DMRT1: variants seen among roughly 807,000 people sequenced by gnomAD.
DMRT1 encodes the protein doublesex- and mab-3-related transcription factor 1.
A neutral mutation model predicts 32.3 loss-of-function variants in DMRT1; 7 were observed. The observed-to-expected ratio is 0.22, with a 90% CI of 0.12 to 0.41. DMRT1 has a LOEUF of 0.41. DMRT1 is among the 10% of genes least tolerant of loss of function. DMRT1 has a pLI of 1.00. For synonymous variants in DMRT1, 278 were observed against 206.1 expected (o/e 1.35, Z -2.99); for missense variants, 625 against 500.5 (o/e 1.25, Z -2.37).
intron 4 of DMRT1, among the ~76,000 whole-genome samples, chr9:941,166 C>T (rs1819053418): frequency 6.6e-6 from 1 of 152,182 alleles, no homozygotes; most frequent in Non-Finnish European, 1.5e-5. Context: ...CCAGCAATTA[C>T]ACTTCTTGAT....
intron 2 of DMRT1, among the ~76,000 whole-genome samples, chr9:878,271 G>T (rs1816593389): frequency 8.0e-6 from 1 of 124,776 alleles, no homozygotes; most frequent in African/African-American, 3.1e-5. Context: ...CTTCTCAAAA[G>T]CAGAGTCGAA....
At chr9:884,706 C>T (rs1816857631) in intron 2 of DMRT1, among the ~76,000 whole-genome samples, 1 of 152,170 alleles carries the variant, frequency 6.6e-6, no homozygotes, top group African/African-American at 2.4e-5. Context: ...TGCGGTGGCT[C>T]ACGCCTGTAA....
Position 852,340 on chromosome 9 carries a change from C to T in DMRT1, c.538+5197C>T, listed in dbSNP as rs183057312. Among the ~76,000 whole-genome samples the T allele has an allele frequency of 3.0e-3, 446 of 148,872 alleles. 1 individual carries two copies. Among genetic ancestry groups the T allele is most frequent in the Middle Eastern group, 7.1e-3 (2 of 282 alleles). On this transcript the variant is annotated intron_variant, in intron 2 of 4. Transcript: ENST00000382276. ...TTGACTCTACATGACAAATAATTAA[C>T]GGCAAATTTACATTTTTTTCCGGTG...
chr9:854,458 AT>A (rs1564198132), intron 2 of DMRT1, among the ~76,000 whole-genome samples: 1 of 151,252 alleles, frequency 6.6e-6, no homozygotes, highest in Non-Finnish European at 1.5e-5. Flanking sequence ...TAATTTTTGT[AT>A]TTTTAGTAGA....
intron 2 of DMRT1, among the ~76,000 whole-genome samples, chr9:889,639 G>C (rs577602309): frequency 9.2e-5 from 14 of 152,262 alleles, no homozygotes; most frequent in African/African-American, 3.1e-4. Flanking sequence ...TTATTTTGTT[G>C]CTTGATAAAC....
chr9:944,102 G>T (rs10977675), intron 4 of DMRT1, among the ~76,000 whole-genome samples: 10,096 of 152,274 alleles, frequency 0.066, 1,100 homozygotes, highest in African/African-American at 0.23. Context: ...CTGACTGTAA[G>T]TTGGAGGTGA....
At chr9:933,721 C>G (rs1176261719) in intron 4 of DMRT1, among the ~76,000 whole-genome samples, 2 of 152,176 alleles carry the variant, frequency 1.3e-5, no homozygotes, top group African/African-American at 4.8e-5. Flanking sequence ...TGCTTTGTGG[C>G]TACAAGAGGC....
At chr9:910,715 C>A (rs1197772990) in intron 3 of DMRT1, among the ~76,000 whole-genome samples, 2 of 152,008 alleles carry the variant, frequency 1.3e-5, no homozygotes, top group Non-Finnish European at 2.9e-5. Context: ...ATACTAACAC[C>A]ATGAGCATCC....
intron 3 of DMRT1, among the ~76,000 whole-genome samples, chr9:906,411 A>G (rs933505267): frequency 1.3e-5 from 2 of 152,236 alleles, no homozygotes; most frequent in Non-Finnish European, 2.9e-5. Flanking sequence ...CTCATGTGTG[A>G]CATGAATATA....
intron 2 of DMRT1, among the ~76,000 whole-genome samples, chr9:881,267 G>C (rs1415271229): frequency 6.6e-6 from 1 of 152,218 alleles, no homozygotes; most frequent in Non-Finnish European, 1.5e-5. Flanking sequence ...ACAAATGCCT[G>C]ATTGAAAATT....
intron 2 of DMRT1, among the ~76,000 whole-genome samples, chr9:857,921 C>G (rs1201713285): frequency 6.6e-6 from 1 of 151,722 alleles, no homozygotes; most frequent in African/African-American, 2.4e-5. Flanking sequence ...ATGATGGTTT[C>G]CAGTTTCATC....
chr9:864,634 G>C (rs1229385227), intron 2 of DMRT1, among the ~76,000 whole-genome samples: 1 of 151,994 alleles, frequency 6.6e-6, no homozygotes, highest in Non-Finnish European at 1.5e-5. Flanking sequence ...GAGCAGCTGG[G>C]ACTACAGGCG....
At chr9:911,610 A>G (rs1817991219) in intron 3 of DMRT1, among the ~76,000 whole-genome samples, 2 of 148,362 alleles carry the variant, frequency 1.3e-5, no homozygotes, top group East Asian at 4.1e-4. Context: ...CTCCTGCCTC[A>G]GCCTCCCAAG....
chr9:857,883 G>T (rs7848811), intron 2 of DMRT1, among the ~76,000 whole-genome samples: 99,766 of 149,004 alleles, frequency 0.67, 34,639 homozygotes, highest in Non-Finnish European at 0.77. Flanking sequence ...GGTGGTTGGT[G>T]TTTTGTCCTT....
At chr9:902,338 C>A (rs916572441) in intron 3 of DMRT1, among the ~76,000 whole-genome samples, 1 of 151,856 alleles carries the variant, frequency 6.6e-6, no homozygotes, top group African/African-American at 2.4e-5. Context: ...CCCTCCTCCT[C>A]CACCTTTCTT....
At chr9:902,269 G>T (rs1004947773) in intron 3 of DMRT1, among the ~76,000 whole-genome samples, 7 of 151,110 alleles carry the variant, frequency 4.6e-5, no homozygotes, top group African/African-American at 1.7e-4. Flanking sequence ...TTTTGTTAAT[G>T]CTCTTATTCA....
rs1818215471 is a variant in DMRT1, at chr9:917,329, CATA to C, written c.967+427_967+429del. 4.6e-5 allele frequency among the ~76,000 whole-genome samples: 7 copies of C among 152,206 alleles called. No homozygotes were observed. In the South Asian group the frequency reaches 1.5e-3, roughly 32 times the overall value. On this transcript the variant is annotated intron_variant, in intron 4 of 4. Transcript: ENST00000382276. ...GTATTCATCTTTTTGGCGAAAACAA[CATA>C]ATAAAACATTTTTGAATACAATAGA...
At chr9:849,187 A>G (rs1327082050) in intron 2 of DMRT1, among the ~76,000 whole-genome samples, 1 of 152,028 alleles carries the variant, frequency 6.6e-6, no homozygotes, top group East Asian at 1.9e-4. Flanking sequence ...CTGAGCTAGG[A>G]TTTATTCCAG....
chr9:911,481 T>A (rs1156588566), intron 3 of DMRT1, among the ~76,000 whole-genome samples: 1 of 62,882 alleles, frequency 1.6e-5, no homozygotes, highest in Non-Finnish European at 3.1e-5. Context: ...TTTTTTTTTT[T>A]TTTTTTTTTT....
Sources: allele counts gnomAD v4.1 joint callset (sites outside exome capture counted in the v4.1 genomes callset), GRCh38; gene constraint gnomAD v4.1.1; transcripts MANE v1.5; gene names NCBI Gene and HGNC (gene_info 2026-07-23, HGNC 2026-07-21).